The following SLC39A11 variants were observed in gnomAD, a reference collection of about 807,000 sequenced individuals.
SLC39A11 encodes the protein zinc transporter ZIP11.
SLC39A11 carries 33 observed loss-of-function variants against 36.1 expected under a neutral mutation model. The observed-to-expected ratio is 0.91, with a 90% CI of 0.69 to 1.22. The LOEUF (loss-of-function observed/expected upper bound fraction) is 1.22. SLC39A11 is among the 50% of genes most tolerant of loss of function. The probability of loss-of-function intolerance (pLI) is 0.00; values close to 1 mark genes in which losing one functional copy is unlikely to be tolerated. For synonymous variants in SLC39A11, 166 were observed against 170.3 expected, an observed-to-expected ratio of 0.97 and a Z score of 0.20; for missense variants, 432 against 430.3, an observed-to-expected ratio of 1.00 and a Z score of -0.03.
chr17:72,738,739 G>A (rs1221457668), intron 6 of SLC39A11, among the ~76,000 whole-genome samples: 4 of 152,166 alleles, frequency 2.6e-5, no homozygotes, highest in African/African-American at 7.2e-5. Flanking sequence ...GGTCAAATTC[G>A]AACTTTCTTT....
intron 3 of SLC39A11, among the ~76,000 whole-genome samples, chr17:73,040,044 A>T (rs1436611677): frequency 6.6e-6 from 1 of 152,222 alleles, no homozygotes; most frequent in Non-Finnish European, 1.5e-5. Flanking sequence ...TCCGAGATGA[A>T]TCAGTGTCAG....
intron 9 of SLC39A11, among the ~76,000 whole-genome samples, chr17:72,648,088 G>A (rs1243019111): frequency 1.3e-5 from 2 of 152,128 alleles, no homozygotes; most frequent in African/African-American, 4.8e-5. Flanking sequence ...CCAGCACTTT[G>A]AGAGGCCGAG....
intron 9 of SLC39A11, among the ~76,000 whole-genome samples, chr17:72,648,330 TAAAAAA>T (rs10715471): frequency 1.3e-4 from 17 of 126,078 alleles, no homozygotes; most frequent in African/African-American, 4.6e-4. Flanking sequence ...ACTCTGCCAT[TAAAAAA>T]AAAAAAAAAA....
intron 4 of SLC39A11, among the ~76,000 whole-genome samples, chr17:72,989,317 C>T (rs752682304): frequency 8.5e-5 from 13 of 152,224 alleles, no homozygotes; most frequent in Non-Finnish European, 1.2e-4. Context: ...CTAGAATCAT[C>T]CTTCCTTTAA....
chr17:72,825,965 T>C (rs2078012153), intron 6 of SLC39A11, among the ~76,000 whole-genome samples: 1 of 152,208 alleles, frequency 6.6e-6, no homozygotes, highest in Non-Finnish European at 1.5e-5. Flanking sequence ...GAGTTAAAGC[T>C]GGAATGAGTT....
At chr17:72,905,488 T>C (rs144474364) in intron 5 of SLC39A11, among the ~76,000 whole-genome samples, 7 of 151,690 alleles carry the variant, frequency 4.6e-5, no homozygotes, top group East Asian at 2.0e-4. Flanking sequence ...TCACAGCTAT[T>C]TGGGAGGCTG....
At chr17:73,090,634 C>T (rs1203047053) in intron 1 of SLC39A11, among the ~76,000 whole-genome samples, 2 of 152,204 alleles carry the variant, frequency 1.3e-5, no homozygotes, top group Non-Finnish European at 2.9e-5. Context: ...AAACACCTTT[C>T]TTTCCTGTAT....
chr17:72,799,910 C>A (rs1036534423), intron 6 of SLC39A11, among the ~76,000 whole-genome samples: 3 of 151,852 alleles, frequency 2.0e-5, no homozygotes, highest in Non-Finnish European at 4.4e-5. Context: ...TGTTCTTACA[C>A]CCCCTCCCCT....
chr17:72,694,935 G>A (rs2072219335), intron 7 of SLC39A11, among the ~76,000 whole-genome samples: 1 of 152,194 alleles, frequency 6.6e-6, no homozygotes, highest in African/African-American at 2.4e-5. Context: ...TCTGGACCGA[G>A]GCCAGGCAGG....
At chr17:72,847,936 A>G (rs2079124903) in intron 6 of SLC39A11, among the ~76,000 whole-genome samples, 1 of 152,206 alleles carries the variant, frequency 6.6e-6, no homozygotes, top group South Asian at 2.1e-4. Flanking sequence ...GACTCAGAAA[A>G]TGTATCACCC....
intron 4 of SLC39A11, among the ~76,000 whole-genome samples, chr17:73,004,995 T>C (rs1429497588): frequency 6.6e-6 from 1 of 151,396 alleles, no homozygotes; most frequent in Non-Finnish European, 1.5e-5. Flanking sequence ...GTTTTGTTTG[T>C]TTGTTTGTTT....
intron 5 of SLC39A11, among the ~76,000 whole-genome samples, chr17:72,855,687 A>G (rs142713242): frequency 0.021 from 3,130 of 152,258 alleles, 42 homozygotes; most frequent in Non-Finnish European, 0.032. Context: ...ACAAGGTCAG[A>G]AGATCGAGAC....
At chr17:72,891,024 A>G (rs116270909) in intron 5 of SLC39A11, among the ~76,000 whole-genome samples, 24 of 150,258 alleles carry the variant, frequency 1.6e-4, no homozygotes, top group African/African-American at 5.9e-4. Flanking sequence ...AAATGCAAAT[A>G]GCTCTCACGT....
chr17:72,961,963 G>A (rs963941582), intron 4 of SLC39A11, among the ~76,000 whole-genome samples: 7 of 152,136 alleles, frequency 4.6e-5, no homozygotes, highest in Non-Finnish European at 1.0e-4. Flanking sequence ...TTTGAAGAAC[G>A]TGTTCAATGT....
intron 4 of SLC39A11, among the ~76,000 whole-genome samples, chr17:72,948,142 T>G (rs2085556932): frequency 6.6e-6 from 1 of 152,062 alleles, no homozygotes; most frequent in African/African-American, 2.4e-5. Context: ...GGGGAAAATA[T>G]ATACCAGGAA....
chr17:72,849,809 G>GAA lies in SLC39A11; in HGVS notation c.431-6_431-5insTT, dbSNP rs759105797. The GAA allele has an allele frequency of 1.5e-6, 2 of 1,369,966 alleles. No homozygotes were observed. Among genetic ancestry groups the GAA allele is most frequent in the South Asian group, 1.7e-5 (1 of 59,388 alleles). 84.9% of individuals were successfully genotyped at this position (1,369,966 alleles called of 1,614,324 possible). On this transcript the variant is annotated splice_polypyrimidine_tract_variant and splice_region_variant and intron_variant, in intron 5 of 9. Transcript: ENST00000255559. ...CCTCACCATTCTCACTCTTGTCTGAGCAAAAAAAAAAAAAAAGAGAGATGG... is the reference window on the plus strand; with the variant it reads ...CCTCACCATTCTCACTCTTGTCTGAGAACAAAAAAAAAAAAAAAGAGAGATGG...
intron 4 of SLC39A11, among the ~76,000 whole-genome samples, chr17:72,949,144 C>CTTTGTTTTTTTTTTTTTTTTT (rs2085662442): frequency 2.7e-5 from 1 of 36,474 alleles, no homozygotes; most frequent in African/African-American, 8.3e-5. Context: ...CACTGGGCAG[C>CTTTGTTTTTTTTTTTTTTTTT]TTTTTTTTTT....
chr17:72,773,002 C>T (rs1302173853), intron 6 of SLC39A11, among the ~76,000 whole-genome samples: 1 of 152,166 alleles, frequency 6.6e-6, no homozygotes, highest in Admixed American at 6.5e-5. Context: ...AGGAGAATCA[C>T]TTGAACTTGG....
intron 7 of SLC39A11, among the ~76,000 whole-genome samples, chr17:72,661,120 C>G (rs1180154387): frequency 1.3e-5 from 2 of 152,218 alleles, no homozygotes; most frequent in Non-Finnish European, 2.9e-5. Flanking sequence ...TGGGGCTGAG[C>G]AACCACCTTT....
Sources: allele counts gnomAD v4.1 joint callset (sites outside exome capture counted in the v4.1 genomes callset), GRCh38; gene constraint gnomAD v4.1.1; transcripts MANE v1.5; gene names NCBI Gene and HGNC (gene_info 2026-07-23, HGNC 2026-07-21).